NRXN3: variants seen among roughly 807,000 people sequenced by gnomAD.
The protein encoded by NRXN3 is neurexin III.
A neutral mutation model predicts 137.6 loss-of-function variants in NRXN3; 32 were observed. The ratio of observed to expected loss-of-function variants is 0.23; its 90% confidence interval spans 0.18 to 0.31. NRXN3 has a LOEUF of 0.31. NRXN3 is among the 10% of genes least tolerant of loss of function. The pLI is 1.00. For missense variants in NRXN3, 1,574 were observed against 2,062.5 expected (o/e 0.76, Z 4.59); for synonymous variants, 798 against 784.5 (o/e 1.02, Z -0.29).
intron 20 of NRXN3, among the ~76,000 whole-genome samples, chr14:79,854,888 T>C (rs2099399279): frequency 6.6e-6 from 1 of 152,222 alleles, no homozygotes; most frequent in Non-Finnish European, 1.5e-5. Flanking sequence ...AAATCAATTA[T>C]ACTGAAAATG....
intron 19 of NRXN3, among the ~76,000 whole-genome samples, chr14:79,700,352 C>T (rs535900607): frequency 1.3e-5 from 2 of 152,150 alleles, no homozygotes; most frequent in East Asian, 3.9e-4. Context: ...GACTGGATTT[C>T]ATATTCACCG....
intron 4 of NRXN3, among the ~76,000 whole-genome samples, chr14:78,565,598 G>A (rs546891767): frequency 2.0e-4 from 30 of 152,196 alleles, no homozygotes; most frequent in Non-Finnish European, 3.8e-4. Context: ...TTGTAAAATG[G>A]ATTTAATAAT....
chr14:79,049,824 C>T (rs1334357566), intron 15 of NRXN3, among the ~76,000 whole-genome samples: 2 of 151,924 alleles, frequency 1.3e-5, no homozygotes, highest in African/African-American at 2.4e-5. Context: ...ATGGGCTCCA[C>T]TCTGTATAAA....
rs1300750766 is a variant in NRXN3, at chr14:78,645,232, G to C, written c.870G>C (p.Trp290Cys). Reference protein sequence around the residue: ...SDEITLSFKTWQRNGLILHTG... With the variant: ...SDEITLSFKTCQRNGLILHTG... Reference sequence around the variant, plus strand: ...AAATCACCCTCTCCTTTAAGACCTGGCAGCGTAACGGCCTCATCCTGCACA... The same window carrying C: ...AAATCACCCTCTCCTTTAAGACCTGCCAGCGTAACGGCCTCATCCTGCACA... Residue 290 changes from tryptophan (W) to cysteine (C), a missense_variant, in exon 5 of 21, where the codon TGG (tryptophan) becomes TGC (cysteine). Around this residue, in one of 5 missense-constraint regions of NRXN3, gnomAD observed 400 missense variants for 527.3 expected, o/e 0.76. Coordinates refer to ENST00000335750, the MANE Select transcript of NRXN3 (RefSeq NM_001330195.2). 1 of 1,598,608 alleles carries C rather than the reference G, an allele frequency of 6.3e-7. No individual in the cohort carries two copies. The highest frequency in any genetic ancestry group is 8.5e-7 in the Non-Finnish European group (1 of 1,179,778).
chr14:78,551,371 T>C (rs2096687234), intron 4 of NRXN3, among the ~76,000 whole-genome samples: 1 of 152,196 alleles, frequency 6.6e-6, no homozygotes. Context: ...CTTTGTCTTA[T>C]TACTGACTTC....
At position 78,424,101 on chromosome 14, in the gene NRXN3, G is replaced by T. The variant is rs1467254650; in HGVS notation, c.757+126241G>T. Among the ~76,000 whole-genome samples, 6 of 152,302 alleles carry T rather than the reference G, an allele frequency of 3.9e-5. No homozygotes were observed. In the East Asian group the frequency reaches 5.8e-4, roughly 15 times the overall value. ...GGGGCCTACCTTGGCGGGTGCAGGG[G>T]TTCCTAGGCAGGTGGGAGGTCTCTA... On this transcript the variant is annotated intron_variant, in intron 4 of 20. Coordinates refer to ENST00000335750, the MANE Select transcript of NRXN3 (RefSeq NM_001330195.2).
chr14:78,645,617 C>A (rs367675363), intron 5 of NRXN3, among the ~76,000 whole-genome samples, 196 bp downstream of exon 5: 3 of 149,884 alleles, frequency 2.0e-5, no homozygotes, highest in South Asian at 2.2e-4. Context: ...TACTTCAATT[C>A]TCTCTCTGTG....
At chr14:78,696,999 C>T (rs1169402277) in intron 6 of NRXN3, among the ~76,000 whole-genome samples, 1 of 152,068 alleles carries the variant, frequency 6.6e-6, no homozygotes, top group African/African-American at 2.4e-5. Context: ...GTTCCCACAC[C>T]CGTAGCAGAC....
At chr14:79,387,465 G>A (rs1286037086) in intron 15 of NRXN3, among the ~76,000 whole-genome samples, 1 of 152,052 alleles carries the variant, frequency 6.6e-6, no homozygotes, top group African/African-American at 2.4e-5. Context: ...AGATGCTAGA[G>A]AGGATGTGGA....
At chr14:78,412,613 T>A (rs1022178416) in intron 4 of NRXN3, among the ~76,000 whole-genome samples, 16 of 152,126 alleles carry the variant, frequency 1.1e-4, no homozygotes, top group Non-Finnish European at 1.9e-4. Flanking sequence ...AAATGTTAAG[T>A]AACTTACCCA....
At chr14:79,268,153 C>A (rs538115411) in intron 15 of NRXN3, among the ~76,000 whole-genome samples, 1 of 152,272 alleles carries the variant, frequency 6.6e-6, no homozygotes, top group Non-Finnish European at 1.5e-5. Flanking sequence ...TCCCATGGAA[C>A]ATACATTTTA....
intron 4 of NRXN3, among the ~76,000 whole-genome samples, chr14:78,477,889 C>G (rs1373279231): frequency 1.3e-5 from 2 of 152,072 alleles, no homozygotes; most frequent in African/African-American, 4.8e-5. Flanking sequence ...TTATGTCTCT[C>G]TCTGTCTCAC....
At chr14:78,668,930 A>G (rs113854491) in intron 6 of NRXN3, among the ~76,000 whole-genome samples, 1,882 of 149,382 alleles carry the variant, frequency 0.013, 45 homozygotes, top group African/African-American at 0.045. Context: ...CTATCTATCT[A>G]TCTGTCTGTC....
chr14:79,307,818 T>C (rs1030504783), intron 15 of NRXN3, among the ~76,000 whole-genome samples: 2 of 152,048 alleles, frequency 1.3e-5, no homozygotes. Context: ...TCTCTCTCTC[T>C]TTTCCCCTGG....
chr14:78,715,113 G>T lies in NRXN3; in HGVS notation c.2018G>T (p.Gly673Val), dbSNP rs781151328. The change falls in exon 8 of 21, where the codon GGA becomes GTA. Residue 673 changes from glycine (G) to valine (V), a missense_variant. Coordinates refer to ENST00000335750, the MANE Select transcript of NRXN3 (RefSeq NM_001330195.2). ...TTCATCTGCGACTGCACCGGCACCGGATACTGGGGAAGAACCTGCGAAAGG... is the reference window on the plus strand; with the variant it reads ...TTCATCTGCGACTGCACCGGCACCGTATACTGGGGAAGAACCTGCGAAAGG... ...NRFICDCTGT[G>V]YWGRTCEREA... 3 of 1,610,386 alleles carry T rather than the reference G, an allele frequency of 1.9e-6. No individual in the cohort carries two copies. Among genetic ancestry groups the T allele is most frequent in the South Asian group, 1.1e-5 (1 of 91,064 alleles).
intron 16 of NRXN3, among the ~76,000 whole-genome samples, chr14:79,494,472 T>C (rs2096747389): frequency 6.6e-6 from 1 of 152,162 alleles, no homozygotes; most frequent in Admixed American, 6.5e-5. Flanking sequence ...TCATTAAACA[T>C]GGTCATCCTC....
At chr14:78,929,545 T>C (rs891398785) in intron 10 of NRXN3, among the ~76,000 whole-genome samples, 1 of 152,216 alleles carries the variant, frequency 6.6e-6, no homozygotes, top group Non-Finnish European at 1.5e-5. Flanking sequence ...TCTCATTCTT[T>C]TTTATGGCTG....
chr14:79,674,826 A>G (rs1261558409), intron 17 of NRXN3, among the ~76,000 whole-genome samples: 5 of 152,094 alleles, frequency 3.3e-5, no homozygotes, highest in South Asian at 2.1e-4. Context: ...TTTTAATCAC[A>G]TTAGAGAAAT....
intron 15 of NRXN3, among the ~76,000 whole-genome samples, chr14:79,260,049 T>C (rs548016891): frequency 6.6e-6 from 1 of 152,296 alleles, no homozygotes; most frequent in South Asian, 2.1e-4. Flanking sequence ...GGAATGATCC[T>C]GGTCATATGT....
Sources: gnomAD v4.1 joint callset for allele counts (sites outside exome capture counted in the v4.1 genomes callset) on GRCh38, gnomAD v4.1.1 for gene constraint, gnomAD v4.1.1 regional missense constraint, MANE v1.5 for transcripts, NCBI Gene and HGNC (gene_info 2026-07-23, HGNC 2026-07-21) for gene names.